TTC12: variants seen among roughly 807,000 people sequenced by gnomAD.
TTC12 encodes tetratricopeptide repeat domain 12.
TTC12 carries 70 observed loss-of-function variants against 90.1 expected under a neutral mutation model. That is an observed-to-expected ratio of 0.78 (90% CI 0.64 to 0.95). The LOEUF (loss-of-function observed/expected upper bound fraction) is 0.95. Among genes scored for constraint, TTC12 ranks in the 40% least tolerant of loss-of-function variants. The pLI is 0.00. For missense variants in TTC12, 819 were observed against 846.1 expected (o/e 0.97, Z 0.40); for synonymous variants, 296 against 311.5 (o/e 0.95, Z 0.53).
intron 6 of TTC12, among the ~76,000 whole-genome samples, chr11:113,327,012 T>C (rs1947736957): frequency 6.6e-6 from 1 of 152,210 alleles, no homozygotes; most frequent in Non-Finnish European, 1.5e-5. Context: ...TTACCAAATT[T>C]GGTCTCTAAA....
chr11:113,340,193 A>G (rs1555145569), intron 10 of TTC12, among the ~76,000 whole-genome samples: 1 of 152,246 alleles, frequency 6.6e-6, no homozygotes, highest in Non-Finnish European at 1.5e-5. Flanking sequence ...TGTTTGTACA[A>G]ATAGATGGAG....
At chr11:113,341,603 C>T (rs1216320431) in intron 11 of TTC12, 7 of 530,168 alleles carry the variant, frequency 1.3e-5, no homozygotes, top group Middle Eastern at 5.1e-4. Flanking sequence ...AGCCATCGCC[C>T]ATGGCCCTGG....
chr11:113,367,930 T>C (rs970181508), downstream of TTC12, among the ~76,000 whole-genome samples: 7 of 152,210 alleles, frequency 4.6e-5, no homozygotes, highest in Admixed American at 1.3e-4. Flanking sequence ...GGAGAACGGC[T>C]CGATGCTAAT....
chr11:113,348,082 G>A (rs117274829), intron 13 of TTC12, among the ~76,000 whole-genome samples: 2,769 of 152,230 alleles, frequency 0.018, 23 homozygotes, highest in Middle Eastern at 0.065. Flanking sequence ...CATGGCTTTC[G>A]TCAAGAGGCA....
At chr11:113,341,556 G>A (rs1487589819) in intron 11 of TTC12, 2 of 458,324 alleles carry the variant, frequency 4.4e-6, no homozygotes, top group Non-Finnish European at 8.0e-6. Flanking sequence ...ACCAGTACAT[G>A]TCTGTGTGCT....
chr11:113,369,124 G>C (rs543667725), downstream of TTC12: 1 of 153,086 alleles, frequency 6.5e-6, no homozygotes, highest in South Asian at 2.1e-4. Context: ...TGCATTGTTT[G>C]TTTGTTTGTT....
At chr11:113,319,339 A>G (rs1213813732) in intron 2 of TTC12, among the ~76,000 whole-genome samples, 1 of 152,188 alleles carries the variant, frequency 6.6e-6, no homozygotes, top group Non-Finnish European at 1.5e-5. Flanking sequence ...AGAGAAGCCT[A>G]AGGAGACATG....
intron 17 of TTC12, 83 bp from the exon 18 acceptor site, chr11:113,359,857 G>GA (rs1949820566): frequency 1.0e-5 from 11 of 1,078,828 alleles, no homozygotes; most frequent in Non-Finnish European, 1.5e-5. Context: ...CTAAAAAGGA[G>GA]ACGGTGCTCA....
rs1757680626 is a variant in TTC12 at position 113,327,133 on chromosome 11, A to G, written c.444+1488A>G. ...ATAATTTCAGACATATCTAATTCAG[A>G]CTGTCTATACTCTGATTCATCTAAA... is the stretch of plus-strand genomic sequence containing the variant. On this transcript the variant is annotated intron_variant, in intron 6 of 21. Transcript: ENST00000529221. 5.3e-5 allele frequency among the ~76,000 whole-genome samples: 8 copies of G among 152,224 alleles called. No individual in the cohort carries two copies. In the South Asian group the frequency reaches 1.7e-3, roughly 32 times the overall value.
chr11:113,336,761 G>A (rs545335948), intron 8 of TTC12, among the ~76,000 whole-genome samples: 3 of 152,228 alleles, frequency 2.0e-5, no homozygotes, highest in South Asian at 2.1e-4. Context: ...TTGTAGCTTT[G>A]TATTAAGTTG....
At chr11:113,361,799 A>G (rs1555155158) in intron 18 of TTC12, among the ~76,000 whole-genome samples, 1 of 152,188 alleles carries the variant, frequency 6.6e-6, no homozygotes, top group Admixed American at 6.5e-5. Context: ...AAAGCTACAC[A>G]CATAAATAGG....
intron 21 of TTC12, chr11:113,373,064 A>T (rs552659974): frequency 9.4e-5 from 28 of 296,990 alleles, no homozygotes; most frequent in South Asian, 1.3e-4. Context: ...CCTGTTAAAT[A>T]CTTGACTGGT....
intron 8 of TTC12, among the ~76,000 whole-genome samples, chr11:113,338,535 C>T (rs1207058061): frequency 6.6e-6 from 1 of 152,200 alleles, no homozygotes; most frequent in Non-Finnish European, 1.5e-5. Context: ...TATTTTTCAT[C>T]ATGAGCATCT....
intron 16 of TTC12, among the ~76,000 whole-genome samples, chr11:113,353,059 A>G (rs1555151038): frequency 6.6e-6 from 1 of 152,226 alleles, no homozygotes. Context: ...GTCTTCCACA[A>G]TGGTTGAACT....
intron 2 of TTC12, among the ~76,000 whole-genome samples, chr11:113,322,085 T>C (rs1049652484): frequency 2.0e-5 from 3 of 152,210 alleles, no homozygotes; most frequent in African/African-American, 7.2e-5. Context: ...CATCAACTTA[T>C]AAATGGCATA....
intron 16 of TTC12, among the ~76,000 whole-genome samples, chr11:113,357,328 A>C (rs1260034413): frequency 1.3e-5 from 2 of 151,408 alleles, no homozygotes; most frequent in Non-Finnish European, 1.5e-5. Flanking sequence ...CAGCTCCTTC[A>C]TTGTTTCATT....
chr11:113,315,948 C>T (rs1403651919), intron 1 of TTC12: 10 of 233,230 alleles, frequency 4.3e-5, no homozygotes, highest in Non-Finnish European at 7.4e-5. Context: ...ATCTCCATGC[C>T]AGGTCCCTAA....
At chr11:113,331,147 T>G (rs1565584368) in intron 7 of TTC12, among the ~76,000 whole-genome samples, 1 of 152,198 alleles carries the variant, frequency 6.6e-6, no homozygotes, top group Non-Finnish European at 1.5e-5. Context: ...TCTTTATCCC[T>G]TAGAAGATAA....
At chr11:113,329,750 C>G in intron 6 of TTC12, 170 bp from the exon 7 acceptor site, 1 of 682,880 alleles carries the variant, frequency 1.5e-6, no homozygotes, top group Non-Finnish European at 2.7e-6. Flanking sequence ...ATTCAACTCT[C>G]CTCAGTTGCC....
Sources: gnomAD v4.1 joint callset for allele counts (sites outside exome capture counted in the v4.1 genomes callset) on GRCh38, gnomAD v4.1.1 for gene constraint, MANE v1.5 for transcripts, NCBI Gene and HGNC (gene_info 2026-07-23, HGNC 2026-07-21) for gene names.